POLR3B: variants seen among roughly 807,000 people sequenced by gnomAD.
POLR3B encodes RNA polymerase III subunit B, also known as DNA-directed RNA polymerase III subunit RPC2.
POLR3B carries 96 observed loss-of-function variants against 147.4 expected under a neutral mutation model. The ratio of observed to expected loss-of-function variants is 0.65; its 90% confidence interval spans 0.55 to 0.77. The LOEUF (loss-of-function observed/expected upper bound fraction) is 0.77, where lower values mean the gene tolerates loss of function less well. POLR3B is among the 30% of genes least tolerant of loss of function. The pLI is 0.00. For synonymous variants in POLR3B, 461 were observed against 485.9 expected, an observed-to-expected ratio of 0.95 and a Z score of 0.67; for missense variants, 1,036 against 1,413.5, an observed-to-expected ratio of 0.73 and a Z score of 4.28.
chr12:106,448,305 G>T (rs1351639374), intron 19 of POLR3B, among the ~76,000 whole-genome samples: 1 of 151,598 alleles, frequency 6.6e-6, no homozygotes, highest in Non-Finnish European at 1.5e-5. Context: ...TGAGTGGGAG[G>T]TAGAATGGAT....
intron 20 of POLR3B, 145 bp downstream of exon 20, chr12:106,454,856 T>A (rs2037844837): frequency 6.1e-6 from 4 of 655,752 alleles, no homozygotes; most frequent in Admixed American, 2.4e-5. Context: ...TGGGTTTTGA[T>A]GTTGGCTTTC....
chr12:106,383,081 C>A (rs575415136), intron 9 of POLR3B, among the ~76,000 whole-genome samples: 43 of 152,298 alleles, frequency 2.8e-4, no homozygotes, highest in Non-Finnish European at 5.1e-4. Flanking sequence ...GGCTTCTTTC[C>A]ATAAATCTCA....
At chr12:106,393,767 T>TACACACACACAC (rs34402190) in intron 10 of POLR3B, among the ~76,000 whole-genome samples, 1 of 127,910 alleles carries the variant, frequency 7.8e-6, no homozygotes, top group Non-Finnish European at 1.7e-5. Context: ...GACTGAGAAA[T>TACACACACACAC]ACACACACAC....
At position 106,369,340 on chromosome 12, in the gene POLR3B, C is replaced by T. The variant is rs1311402308; in HGVS notation, c.293C>T (p.Ser98Phe). ...AGCTTCAATGTAACTAGACCAGTGT[C>T]CCCTCATGAGGTAATTATGAACCTT... Reference protein sequence around the residue: ...EESFNVTRPVSPHECRLRDMT... With the variant: ...EESFNVTRPVFPHECRLRDMT... The change falls in exon 5 of 28, where the codon TCC (serine) becomes TTC (phenylalanine). Residue 98 changes from serine (S) to phenylalanine (F), a missense_variant. By Grantham distance (155) the Ser-to-Phe change is radical. This residue lies in a region of POLR3B where 150 missense variants were observed against 145.5 expected (regional missense o/e 1.03). Coordinates refer to ENST00000228347, the MANE Select transcript of POLR3B (RefSeq NM_018082.6). 6.4e-7 allele frequency: 1 copy of T among 1,567,930 alleles called. No homozygotes were observed. The highest frequency in any genetic ancestry group is 1.7e-4 in the Middle Eastern group (1 of 5,970).
At chr12:106,482,445 C>G (rs941700420) in intron 23 of POLR3B, among the ~76,000 whole-genome samples, 1 of 152,064 alleles carries the variant, frequency 6.6e-6, no homozygotes, top group Admixed American at 6.6e-5. Flanking sequence ...AGGAAAGTTA[C>G]AATCATGGCA....
At position 106,378,299 on chromosome 12, in the gene POLR3B, G is replaced by T. The variant is rs1455520191; in HGVS notation, c.529G>T (p.Val177Phe). 2 of 1,613,620 alleles carry T rather than the reference G, an allele frequency of 1.2e-6. No individual in the cohort carries two copies. Among genetic ancestry groups the T allele is most frequent in the Admixed American group, 3.3e-5 (2 of 60,012 alleles). The change falls in exon 8 of 28, where the codon GTT becomes TTT. Residue 177 changes from valine (V) to phenylalanine (F), a missense_variant. Val to Phe is a conservative substitution (Grantham distance 50, BLOSUM62 -1). This residue lies in a region of POLR3B where 217 missense variants were observed against 288.7 expected (regional missense o/e 0.75). Coordinates refer to ENST00000228347, the MANE Select transcript of POLR3B (RefSeq NM_018082.6). ...GYFIVKGVEK[V>F]ILIQEQLSKN... ...CTTCATTGTTAAAGGAGTAGAAAAA[G>T]TTATTCTTATCCAAGAGCAGCTGTC... is the stretch of plus-strand genomic sequence containing the variant.
chr12:106,459,309 G>A lies in POLR3B; in HGVS notation c.2511G>A (p.Gln837=). ...LVNKSMPTVT[Q]IPLEGSNVPQ... is the part of the protein sequence containing the mutation. ...ATAAGTCCATGCCCACAGTGACTCA[G>A]ATTCCTTTGGAAGGAAGTAATGTAC... Residue 837 remains glutamine, a synonymous_variant, in exon 22 of 28, where the codon CAG becomes CAA. Transcript: ENST00000228347. 6.2e-7 allele frequency: 1 copy of A among 1,610,964 alleles called. No homozygotes were observed. Among genetic ancestry groups the A allele is most frequent in the Non-Finnish European group, 8.5e-7 (1 of 1,177,234 alleles).
chr12:106,501,215 T>C (rs1592780821), intron 25 of POLR3B, 108 bp from the exon 26 acceptor site: 1 of 758,798 alleles, frequency 1.3e-6, no homozygotes, highest in South Asian at 1.4e-5. Context: ...ATCATTCTTA[T>C]CCAGTCAGTC....
chr12:106,357,803 G>C lies in POLR3B; in HGVS notation c.-77G>C. ...TTTAGGCCTCCGCGCACCGTTCGCC[G>C]GGAGTCTTGCAGTTTGCTTGGTGCA... On this transcript the variant is annotated 5_prime_UTR_variant, in exon 1 of 28. Transcript: ENST00000228347. The C allele has an allele frequency of 2.1e-6, 3 of 1,408,914 alleles. No homozygotes were observed. Among genetic ancestry groups the C allele is most frequent in the South Asian group, 2.4e-5 (2 of 82,534 alleles). 87.3% of individuals were successfully genotyped at this position (1,408,914 alleles called of 1,614,324 possible).
chr12:106,467,390 A>T (rs1032075648), intron 23 of POLR3B, among the ~76,000 whole-genome samples: 2 of 152,190 alleles, frequency 1.3e-5, no homozygotes, highest in Admixed American at 1.3e-4. Flanking sequence ...CAATCATGTC[A>T]TCTGCAATGA....
At chr12:106,493,609 T>A (rs1416248262) in intron 23 of POLR3B, among the ~76,000 whole-genome samples, 1 of 152,256 alleles carries the variant, frequency 6.6e-6, no homozygotes, top group Non-Finnish European at 1.5e-5. Context: ...ACTGGTCTCA[T>A]AAGCACAGTC....
rs777378373 is a variant in POLR3B at position 106,433,743 on chromosome 12, A to C, written c.1652A>C (p.Asp551Ala). 1.9e-6 allele frequency: 3 copies of C among 1,613,560 alleles called. No individual in the cohort carries two copies. In the South Asian group the frequency reaches 3.3e-5, roughly 18 times the overall value. The change falls in exon 16 of 28, where the codon GAC (aspartate) becomes GCC (alanine). Residue 551 changes from aspartate (D) to alanine (A), a missense_variant. This residue lies in a region of POLR3B where 177 missense variants were observed against 232.7 expected (regional missense o/e 0.76). Coordinates refer to ENST00000228347, the MANE Select transcript of POLR3B (RefSeq NM_018082.6). ...GGTAACATCTTAGGTGTCATTCGAG[A>C]CCACAAAAAGCTAGTGAATACATTT... ...LNGNILGVIR[D>A]HKKLVNTFRL...
chr12:106,368,198 C>T (rs183169299), intron 4 of POLR3B, among the ~76,000 whole-genome samples: 58 of 151,360 alleles, frequency 3.8e-4, no homozygotes, highest in East Asian at 2.3e-3. Context: ...TTTCTTGGAC[C>T]GTAAGATATG....
At chr12:106,393,602 T>TA (rs2036943795) in intron 10 of POLR3B, among the ~76,000 whole-genome samples, 4 of 151,540 alleles carry the variant, frequency 2.6e-5, no homozygotes, top group Admixed American at 2.0e-4. Context: ...TCCAGTTGTA[T>TA]GTGGTTTCTA....
chr12:106,378,885 T>C (rs948945061), intron 8 of POLR3B, among the ~76,000 whole-genome samples: 1 of 152,218 alleles, frequency 6.6e-6, no homozygotes, highest in South Asian at 2.1e-4. Context: ...TTTCGAGGCT[T>C]CTGTAACTTC....
chr12:106,502,870 T>C (rs192515184), intron 26 of POLR3B, among the ~76,000 whole-genome samples: 4 of 152,314 alleles, frequency 2.6e-5, no homozygotes, highest in African/African-American at 9.6e-5. Context: ...TATTTCAGAG[T>C]AACATAAATG....
intron 23 of POLR3B, among the ~76,000 whole-genome samples, chr12:106,470,646 A>T (rs2038076844): frequency 1.3e-5 from 2 of 152,036 alleles, no homozygotes; most frequent in South Asian, 4.2e-4. Context: ...TTTGGTCTGG[A>T]TGTCCTTTTT....
intron 10 of POLR3B, among the ~76,000 whole-genome samples, chr12:106,402,097 A>G (rs1214770263): frequency 6.6e-6 from 1 of 151,738 alleles, no homozygotes; most frequent in Non-Finnish European, 1.5e-5. Context: ...TTAAGCTGAT[A>G]AGCAACTTCA....
At chr12:106,443,613 G>A (rs1176466631) in intron 18 of POLR3B, among the ~76,000 whole-genome samples, 2 of 151,784 alleles carry the variant, frequency 1.3e-5, no homozygotes, top group Non-Finnish European at 2.9e-5. Context: ...CGTCTCCTGG[G>A]TTCAAGCAAT....
Sources: allele counts gnomAD v4.1 joint callset (sites outside exome capture counted in the v4.1 genomes callset), GRCh38; gene constraint gnomAD v4.1.1; regional missense constraint gnomAD v4.1.1; transcripts MANE v1.5; gene names NCBI Gene and HGNC (gene_info 2026-07-23, HGNC 2026-07-21).